The following ASTE1 variants were observed in gnomAD, a reference collection of about 807,000 sequenced individuals.
The protein encoded by ASTE1 is single-strand DNA endonuclease ASTE1.
A neutral mutation model predicts 45.8 loss-of-function variants in ASTE1; 49 were observed. The ratio of observed to expected loss-of-function variants is 1.07; its 90% CI spans 0.85 to 1.36. The LOEUF (loss-of-function observed/expected upper bound fraction) is 1.36, where lower values mean the gene tolerates loss of function less well. Ranked by LOEUF, ASTE1 falls within the 40% of genes most tolerant of loss-of-function variation. ASTE1 has a pLI of 0.00. For synonymous variants in ASTE1, 296 were observed against 303.9 expected, an observed-to-expected ratio of 0.97 and a Z score of 0.27; for missense variants, 709 against 804.0, an observed-to-expected ratio of 0.88 and a Z score of 1.43.
rs769553577 is a variant in ASTE1, at chr3:131,024,005, CTCAG to C, written c.1298_1301del (p.Thr433SerfsTer4). On this transcript the variant is annotated frameshift_variant and splice_region_variant, in exon 3 of 6. Coordinates refer to ENST00000264992, the MANE Select transcript of ASTE1 (RefSeq NM_014065.4). LOFTEE classifies it high-confidence loss of function. ...TTTCATTAGTATTACAAATACTTAC[CTCAG>C]TCAATCTGCTTAAGTCAGAATGATC... The C allele has an allele frequency of 7.0e-6, 11 of 1,580,426 alleles. No individual in the cohort carries two copies. Among genetic ancestry groups the C allele is most frequent in the African/African-American group, 1.4e-5 (1 of 73,476 alleles).
At chr3:131,022,927 A>G (rs934417689) in intron 3 of ASTE1, among the ~76,000 whole-genome samples, 1 of 152,150 alleles carries the variant, frequency 6.6e-6, no homozygotes, top group Non-Finnish European at 1.5e-5. Flanking sequence ...GTGCACTGTA[A>G]GACTTACAGG....
intron 5 of ASTE1, among the ~76,000 whole-genome samples, chr3:131,015,658 C>G (rs190909857): frequency 2.2e-4 from 33 of 152,260 alleles, no homozygotes; most frequent in African/African-American, 7.7e-4. Flanking sequence ...CACCCTAGCA[C>G]AGGGTAGGCA....
Position 131,014,256 on chromosome 3 carries a change from T to C in ASTE1, c.1841A>G (p.Tyr614Cys), listed in dbSNP as rs2063474530. The C allele has an allele frequency of 6.2e-7, 1 of 1,614,082 alleles. No homozygotes were observed. Among genetic ancestry groups the C allele is most frequent in the Admixed American group, 1.7e-5 (1 of 59,996 alleles). The stretch of plus-strand genomic sequence containing the variant: ...TGGTAGGAATATTTCAGCGGGGGCA[T>C]ATGACCTTGTGGCATTGAATAGATA... Reference protein sequence around the residue: ...YEYLFNATRSYAPAEIFLPKG... With the variant: ...YEYLFNATRSCAPAEIFLPKG... The change falls in exon 6 of 6, where the codon TAT (tyrosine) becomes TGT (cysteine). Residue 614 changes from tyrosine to cysteine, a missense_variant. By Grantham distance (194) the Tyr-to-Cys change is radical. Coordinates refer to ENST00000264992, the MANE Select transcript of ASTE1 (RefSeq NM_014065.4).
At chr3:131,018,455 A>C in intron 4 of ASTE1, 51 bp downstream of exon 4, 1 of 1,545,134 alleles carries the variant, frequency 6.5e-7, no homozygotes, top group South Asian at 1.1e-5. Flanking sequence ...TCGAGTAAAC[A>C]GTTTGCAAGC....
intron 3 of ASTE1, among the ~76,000 whole-genome samples, chr3:131,020,320 C>T (rs765886692): frequency 2.0e-5 from 3 of 152,202 alleles, no homozygotes; most frequent in Non-Finnish European, 4.4e-5. Flanking sequence ...GGTTTTATCC[C>T]ATGTGACAAC....
Position 131,024,723 on chromosome 3 carries a change from G to GC in ASTE1, c.583dup (p.Ala195GlyfsTer7), listed in dbSNP as rs2063787211. ...GAATGCATCAAGGGAAAAGCATTTG[G>GC]CAGGGATATAGTTTTGTGTGCCCTT... is the stretch of plus-strand genomic sequence containing the variant. On this transcript the variant is annotated frameshift_variant, in exon 3 of 6. Coordinates refer to ENST00000264992, the MANE Select transcript of ASTE1 (RefSeq NM_014065.4). LOFTEE classifies it high-confidence loss of function. 1 of 1,607,118 alleles carries GC rather than the reference G, an allele frequency of 6.2e-7. No individual in the cohort carries two copies. The highest frequency in any genetic ancestry group is 8.5e-7 in the Non-Finnish European group (1 of 1,176,438).
rs1377140153 is a variant in ASTE1, at chr3:131,018,546, T to C, written c.1473A>G (p.Thr491=). 1.2e-6 allele frequency: 2 copies of C among 1,614,010 alleles called. No homozygotes were observed. Among genetic ancestry groups the C allele is most frequent in the South Asian group, 2.2e-5 (2 of 91,062 alleles). Residue 491 remains threonine (T), a synonymous_variant, in exon 4 of 6, where the codon ACA becomes ACG. Coordinates refer to ENST00000264992, the MANE Select transcript of ASTE1 (RefSeq NM_014065.4). ...TGGCAATCAAGGGCCCCACTAGCATTGTGAGCAGTAAGGATTGTAGATGAT... is the reference window on the plus strand; with the variant it reads ...TGGCAATCAAGGGCCCCACTAGCATCGTGAGCAGTAAGGATTGTAGATGAT... ...KLHHLQSLLL[T]MLVGPLIAII...
chr3:131,016,380 A>C (rs201674974), intron 4 of ASTE1, 41 bp from the exon 5 acceptor site: 4 of 1,601,770 alleles, frequency 2.5e-6, no homozygotes, highest in Non-Finnish European at 8.6e-7. Context: ...TTCTAAAAGC[A>C]CTGTAACAGC....
Position 131,024,378 on chromosome 3 carries a change from A to C in ASTE1, c.929T>G (p.Phe310Cys). 6.2e-7 allele frequency: 1 copy of C among 1,614,272 alleles called. No individual in the cohort carries two copies. ...QQSQVKLQDF[F>C]QCGTYVCPDA... ...TGGACAGACATAAGTACCACACTGGAAGAAGTCCTGTAGCTTCACCTGGGA... is the reference window on the plus strand; with the variant it reads ...TGGACAGACATAAGTACCACACTGGCAGAAGTCCTGTAGCTTCACCTGGGA... The change falls in exon 3 of 6, where the codon TTC becomes TGC. Residue 310 changes from phenylalanine to cysteine, a missense_variant. By Grantham distance (205) the Phe-to-Cys change is radical. Coordinates refer to ENST00000264992, the MANE Select transcript of ASTE1 (RefSeq NM_014065.4).
intron 4 of ASTE1, chr3:131,016,810 T>A: frequency 2.6e-6 from 1 of 384,964 alleles, no homozygotes; most frequent in Non-Finnish European, 4.7e-6. Flanking sequence ...AAGTATGACT[T>A]GGAGAATTTG....
At position 131,018,350 on chromosome 3, in the gene ASTE1, C is replaced by CAATG. The variant is rs531419029; in HGVS notation, c.1513+152_1513+155dup. Among the ~76,000 whole-genome samples, 7 of 152,168 alleles carry CAATG rather than the reference C, an allele frequency of 4.6e-5. 1 individual carries two copies. Among genetic ancestry groups the CAATG allele is most frequent in the Non-Finnish European group, 8.8e-5 (6 of 68,028 alleles). On this transcript the variant is annotated intron_variant, in intron 4 of 5. Transcript: ENST00000264992. ...ACATGAAGTGTTAAAAAATATTTAC[C>CAATG]AATGAATGAATGATATTTTGGTGCC...
intron 3 of ASTE1, among the ~76,000 whole-genome samples, chr3:131,022,778 A>G (rs2063760907): frequency 6.6e-6 from 1 of 152,136 alleles, no homozygotes; most frequent in Non-Finnish European, 1.5e-5. Context: ...GCACTCATTC[A>G]CTATGACATT....
Position 131,014,365 on chromosome 3 carries a change from G to T in ASTE1, c.1732C>A (p.His578Asn), listed in dbSNP as rs1248307045. ...GCTAGCAGTTGCTGGCATAGTCCGT[G>T]CACCAGGCTTCCACTGTACAGTCTG... Reference protein sequence around the residue: ...LTRLYSGSLVHGLCQQLLAST... With the variant: ...LTRLYSGSLVNGLCQQLLAST... The change falls in exon 6 of 6, where the codon CAC becomes AAC. Residue 578 changes from histidine (H) to asparagine (N), a missense_variant. Transcript: ENST00000264992. 20 of 1,604,736 alleles carry T rather than the reference G, an allele frequency of 1.2e-5. No individual in the cohort carries two copies. Among genetic ancestry groups the T allele is most frequent in the Non-Finnish European group, 1.7e-5 (20 of 1,176,800 alleles).
Position 131,024,913 on chromosome 3 carries a change from C to T in ASTE1, c.394G>A (p.Val132Met). 6.2e-7 allele frequency: 1 copy of T among 1,614,038 alleles called. No homozygotes were observed. The highest frequency in any genetic ancestry group is 8.5e-7 in the Non-Finnish European group (1 of 1,179,948). The change falls in exon 3 of 6, where the codon GTG becomes ATG. Residue 132 changes from valine to methionine, a missense_variant. Val to Met is a conservative substitution (Grantham distance 21, BLOSUM62 1). Transcript: ENST00000264992. ...TCTGAAAAGCACTGGACAAAACACACCCGCAGCTTGATCAAAACCTGTATG... is the reference window on the plus strand; with the variant it reads ...TCTGAAAAGCACTGGACAAAACACATCCGCAGCTTGATCAAAACCTGTATG... ...VFIQVLIKLR[V>M]CFVQCFSEAD...
chr3:131,023,463 A>T lies in ASTE1; in HGVS notation c.1302+542T>A, dbSNP rs556769801. ...GGTTTAAGCAACACTAAGTTAGACT[A>T]AGAGTCATGTTTTCTGTATCAAACT... is the stretch of plus-strand genomic sequence containing the variant. On this transcript the variant is annotated intron_variant, in intron 3 of 5. Transcript: ENST00000264992. Among the ~76,000 whole-genome samples the T allele has an allele frequency of 5.3e-5, 8 of 152,310 alleles. No homozygotes were observed. The East Asian group carries it at 5.8e-4, about 11-fold the overall frequency.
chr3:131,025,004 C>T lies in ASTE1; in HGVS notation c.303G>A (p.Gln101=), dbSNP rs759160364. ...TLKDRAREKI[Q]MAHSLSVGGS... ...CACCAACAGAAAGGGAATGGGCCAT[C>T]TGGATCTTCTCTCTAGCTCTATCCT... The change falls in exon 3 of 6, where the codon CAG becomes CAA. Residue 101 remains glutamine (Q), a synonymous_variant. Transcript: ENST00000264992. 2 of 1,598,986 alleles carry T rather than the reference C, an allele frequency of 1.3e-6. No individual in the cohort carries two copies. Among genetic ancestry groups the T allele is most frequent in the South Asian group, 2.3e-5 (2 of 88,534 alleles).
rs1239428115 is a variant in ASTE1, at chr3:131,013,880, A to G, written c.*177T>C. ...ATATTTAGAAATACAGAAGCTTCTTAAATCAGGTTGTATTTATTAAAAACA... is the reference window on the plus strand; with the variant it reads ...ATATTTAGAAATACAGAAGCTTCTTGAATCAGGTTGTATTTATTAAAAACA... On this transcript the variant is annotated 3_prime_UTR_variant, in exon 6 of 6. Transcript: ENST00000264992. 1.9e-6 allele frequency: 1 copy of G among 527,156 alleles called. No individual in the cohort carries two copies. Among genetic ancestry groups the G allele is most frequent in the Admixed American group, 3.7e-5 (1 of 26,806 alleles). 32.7% of individuals were successfully genotyped at this position (527,156 alleles called of 1,614,324 possible). A position where few individuals can be genotyped will look rare whatever the true frequency, so the allele number is the denominator to read the frequency against.
chr3:131,022,123 G>A (rs1435926221), intron 3 of ASTE1, among the ~76,000 whole-genome samples: 1 of 152,148 alleles, frequency 6.6e-6, no homozygotes, highest in Non-Finnish European at 1.5e-5. Flanking sequence ...ATAAACACCT[G>A]ATGGGGACAC....
At position 131,024,880 on chromosome 3, in the gene ASTE1, G is replaced by C; in HGVS notation, c.427C>G (p.Arg143Gly). ...CFVQCFSEAD[R>G]DIMTLANHWN... ...TGGTTAGCAAGTGTCATAATGTCCC[G>C]ATCTGCTTCTGAAAAGCACTGGACA... The change falls in exon 3 of 6, where the codon CGG becomes GGG. Residue 143 changes from arginine (R) to glycine (G), a missense_variant. Transcript: ENST00000264992. 1 of 1,614,038 alleles carries C rather than the reference G, an allele frequency of 6.2e-7. No individual in the cohort carries two copies. The highest frequency in any genetic ancestry group is 8.5e-7 in the Non-Finnish European group (1 of 1,180,016).
Sources: allele counts gnomAD v4.1 joint callset (sites outside exome capture counted in the v4.1 genomes callset), GRCh38; gene constraint gnomAD v4.1.1; transcripts MANE v1.5; gene names NCBI Gene and HGNC (gene_info 2026-07-23, HGNC 2026-07-21).